The following ACTN2 variants were observed in gnomAD, a reference collection of about 807,000 sequenced individuals.
ACTN2 encodes alpha-actinin-2.
In ACTN2, 39 loss-of-function variants were observed where a neutral mutation model predicts 113.8. The observed-to-expected ratio is 0.34, with a 90% CI of 0.27 to 0.45. The LOEUF (loss-of-function observed/expected upper bound fraction) is 0.45. Ranked by LOEUF, ACTN2 falls within the 20% of genes least tolerant of loss-of-function variation. The pLI, the probability that ACTN2 is intolerant of heterozygous loss-of-function variation, is 1.00. For missense variants in ACTN2, 992 were observed against 1,177.9 expected (o/e 0.84, Z 2.31); for synonymous variants, 429 against 444.1 (o/e 0.97, Z 0.43).
At chr1:236,749,061 C>A in intron 13 of ACTN2, 63 bp from the exon 14 acceptor site, 1 of 1,579,486 alleles carries the variant, frequency 6.3e-7, no homozygotes, top group Non-Finnish European at 8.7e-7. Flanking sequence ...GGAACGCCTA[C>A]TTACACTTTC....
rs1176106230 is a variant in ACTN2 at position 236,726,017 on chromosome 1, C to T, written c.533C>T (p.Thr178Ile). The T allele has an allele frequency of 1.2e-6, 2 of 1,613,800 alleles. No individual in the cohort carries two copies. Among genetic ancestry groups the T allele is most frequent in the Admixed American group, 1.7e-5 (1 of 60,034 alleles). The part of the protein sequence containing the change: ...YRNVNIQNFH[T>I]SWKDGLGLCA... ...AATGTGAACATTCAGAACTTCCATA[C>T]TAGGTGAGCACCCAGGGCCCCTGGT... Residue 178 changes from threonine (T) to isoleucine (I), a missense_variant, in exon 5 of 21, where the codon ACT becomes ATT. By Grantham distance (89) the Thr-to-Ile change is moderately conservative. Transcript: ENST00000366578.
In ACTN2 at chr1:236,686,571, GCGCCCGCCGCCCGC is replaced by G. The variant is rs552471202; in HGVS notation, c.-91_-78del. On this transcript the variant is annotated 5_prime_UTR_variant, in exon 1 of 21. Coordinates refer to ENST00000366578, the MANE Select transcript of ACTN2 (RefSeq NM_001103.4). ...AGAGGAGCCGCGCGAAGGTCACCCC[GCGCCCGCCGCCCGC>G]CGCCCGCCGCCTCCGTGGGTCCGTT... 5.3e-6 allele frequency: 7 copies of G among 1,312,898 alleles called. No homozygotes were observed. In the East Asian group the frequency reaches 1.4e-4, roughly 25 times the overall value. The allele number at this position is 1,312,898 out of a possible 1,614,324, so 81.3% of individuals were successfully genotyped here.
intron 1 of ACTN2, among the ~76,000 whole-genome samples, chr1:236,703,658 CTA>C (rs1657741555): frequency 6.7e-6 from 1 of 149,972 alleles, no homozygotes; most frequent in African/African-American, 2.5e-5. Context: ...AGATAATGCT[CTA>C]TCTTTTTTTT....
At chr1:236,717,795 C>T (rs1658265515) in intron 1 of ACTN2, 63 bp from the exon 2 acceptor site, 1 of 1,163,710 alleles carries the variant, frequency 8.6e-7, no homozygotes, top group Non-Finnish European at 1.3e-6. Context: ...CAAGTGTCGT[C>T]TGTGAGGAAG....
At chr1:236,758,911 A>G (rs539482893) in intron 18 of ACTN2, among the ~76,000 whole-genome samples, 2 of 152,276 alleles carry the variant, frequency 1.3e-5, no homozygotes, top group East Asian at 3.9e-4. Context: ...GTGAGCCACC[A>G]CGACTAGCTA....
chr1:236,691,504 G>A (rs1033219316), intron 1 of ACTN2, among the ~76,000 whole-genome samples: 2 of 151,608 alleles, frequency 1.3e-5, no homozygotes, highest in Non-Finnish European at 2.9e-5. Context: ...ATTTAGCCAG[G>A]TGTGGTGGTG....
chr1:236,709,381 T>C (rs1468592381), intron 1 of ACTN2, among the ~76,000 whole-genome samples: 1 of 146,510 alleles, frequency 6.8e-6, no homozygotes, highest in Non-Finnish European at 1.5e-5. Context: ...TATATATATA[T>C]GTATGTATAT....
At chr1:236,688,680 G>A (rs572459598) in intron 1 of ACTN2, among the ~76,000 whole-genome samples, 30 of 152,028 alleles carry the variant, frequency 2.0e-4, no homozygotes, top group Non-Finnish European at 4.1e-4. Context: ...CATGCTTGGG[G>A]GGCAAAAACT....
chr1:236,761,221 C>A, intron 20 of ACTN2, 48 bp downstream of exon 20: 1 of 1,608,734 alleles, frequency 6.2e-7, no homozygotes, highest in Non-Finnish European at 8.5e-7. Context: ...TCCACTACAT[C>A]CTTCTAACAA....
Position 236,739,413 on chromosome 1 carries a change from C to T in ACTN2, c.988C>T (p.His330Tyr). ...GGACTTCCGGGATTACCGCCGGAAG[C>T]ACAAGCCACCCAAGGTGCAGGAGAA... ...LEDFRDYRRK[H>Y]KPPKVQEKCQ... Residue 330 changes from histidine to tyrosine, a missense_variant, in exon 10 of 21, where the codon CAC becomes TAC. Physicochemically the swap from His to Tyr is moderately conservative, Grantham distance 83. Transcript: ENST00000366578. 6.2e-7 allele frequency: 1 copy of T among 1,614,138 alleles called. No homozygotes were observed. The highest frequency in any genetic ancestry group is 1.3e-5 in the African/African-American group (1 of 75,038).
At chr1:236,716,087 T>C (rs949084961) in intron 1 of ACTN2, among the ~76,000 whole-genome samples, 1 of 144,194 alleles carries the variant, frequency 6.9e-6, no homozygotes, top group Non-Finnish European at 1.5e-5. Flanking sequence ...ATCCAAAAAA[T>C]CCCTTCTTCT....
At chr1:236,699,777 TA>T (rs1657620632) in intron 1 of ACTN2, among the ~76,000 whole-genome samples, 1 of 152,190 alleles carries the variant, frequency 6.6e-6, no homozygotes, top group South Asian at 2.1e-4. Context: ...TGGGAAATTT[TA>T]ATCATACCCC....
At chr1:236,739,632 T>G (rs1659008331) in intron 10 of ACTN2, 100 bp downstream of exon 10, 1 of 1,365,990 alleles carries the variant, frequency 7.3e-7, no homozygotes, top group African/African-American at 1.4e-5. Context: ...ACTTCTTGAA[T>G]CTTTTTAGTT....
chr1:236,727,665 G>A lies in ACTN2; in HGVS notation c.537-13G>A, dbSNP rs537813981. On this transcript the variant is annotated splice_polypyrimidine_tract_variant and intron_variant, in intron 5 of 20. Coordinates refer to ENST00000366578, the MANE Select transcript of ACTN2 (RefSeq NM_001103.4). ...ACTAACACGTGTTCCTGTTCTTCTCGACGGCTGTGAAGCTGGAAAGATGGC... is the reference window on the plus strand; with the variant it reads ...ACTAACACGTGTTCCTGTTCTTCTCAACGGCTGTGAAGCTGGAAAGATGGC... The A allele has an allele frequency of 1.3e-5, 21 of 1,614,018 alleles. No individual in the cohort carries two copies. The highest frequency in any genetic ancestry group is 2.7e-5 in the African/African-American group (2 of 75,010).
chr1:236,709,251 T>TACACACAC (rs1440157025), intron 1 of ACTN2, among the ~76,000 whole-genome samples: 1 of 59,760 alleles, frequency 1.7e-5, no homozygotes. Flanking sequence ...TATATATATA[T>TACACACAC]ATATACACAC....
Position 236,721,015 on chromosome 1 carries a change from G to GGTTTTTTTTTTTTTTTTTTTTT in ACTN2, c.448+824_448+825insGTTTTTTTTTTTTTTTTTTTTT. On this transcript the variant is annotated intron_variant, in intron 4 of 20. Coordinates refer to ENST00000366578, the MANE Select transcript of ACTN2 (RefSeq NM_001103.4). ...ACAGTAGCCTCTGACTCTGGTTTTT[G>GGTTTTTTTTTTTTTTTTTTTTT]TTTTTTGTTTTTTTTTTTTTTTTTT... Among the ~76,000 whole-genome samples, 316 of 49,168 alleles carry GGTTTTTTTTTTTTTTTTTTTTT rather than the reference G, an allele frequency of 6.4e-3. 142 individuals are homozygous for GGTTTTTTTTTTTTTTTTTTTTT. Among genetic ancestry groups the GGTTTTTTTTTTTTTTTTTTTTT allele is most frequent in the South Asian group, 7.0e-3 (8 of 1,146 alleles). 32.3% of individuals were successfully genotyped at this position (49,168 alleles called of 152,430 possible). A position where few individuals can be genotyped will look rare whatever the true frequency, so the allele number is the denominator to read the frequency against.
chr1:236,688,775 G>A (rs902637917), intron 1 of ACTN2, among the ~76,000 whole-genome samples: 6 of 152,152 alleles, frequency 3.9e-5, no homozygotes, highest in Admixed American at 2.0e-4. Context: ...TGAACTGTGA[G>A]CTCAGTGTGG....
At chr1:236,737,096 T>G in intron 8 of ACTN2, 26 bp from the exon 9 acceptor site, 1 of 1,583,108 alleles carries the variant, frequency 6.3e-7, no homozygotes, top group South Asian at 1.1e-5. Flanking sequence ...GACAGAGCCG[T>G]CCTGTTTACC....
chr1:236,745,610 G>A (rs964307828), intron 12 of ACTN2, among the ~76,000 whole-genome samples: 4 of 152,168 alleles, frequency 2.6e-5, no homozygotes, highest in Non-Finnish European at 5.9e-5. Flanking sequence ...GATTTGGCAC[G>A]GAGTGAATGT....
Sources: allele counts gnomAD v4.1 joint callset (sites outside exome capture counted in the v4.1 genomes callset), GRCh38; gene constraint gnomAD v4.1.1; transcripts MANE v1.5; gene names NCBI Gene and HGNC (gene_info 2026-07-23, HGNC 2026-07-21).